The following ADAM12 variants were observed in gnomAD, a reference collection of about 807,000 sequenced individuals.
ADAM12 encodes the protein ADAM metallopeptidase domain 12.
ADAM12 carries 70 observed loss-of-function variants against 106.4 expected under a neutral mutation model. The observed-to-expected ratio is 0.66, with a 90% CI of 0.54 to 0.80. ADAM12 has a LOEUF of 0.80. Ranked by LOEUF, ADAM12 falls within the 30% of genes least tolerant of loss-of-function variation. ADAM12 has a pLI of 0.00. For synonymous variants in ADAM12, 420 were observed against 433.5 expected (o/e 0.97, Z 0.39); for missense variants, 1,010 against 1,171.9 (o/e 0.86, Z 2.02).
intron 11 of ADAM12, among the ~76,000 whole-genome samples, chr10:126,084,803 A>AC (rs1220324697): frequency 1.3e-5 from 2 of 152,128 alleles, no homozygotes; most frequent in African/African-American, 4.8e-5. Flanking sequence ...GCTCACAGGT[A>AC]CCCAGTGAAA....
intron 1 of ADAM12, among the ~76,000 whole-genome samples, chr10:126,358,951 C>T (rs549165748): frequency 5.9e-5 from 9 of 152,222 alleles, no homozygotes; most frequent in South Asian, 2.1e-4. Context: ...CAAAAGAAAG[C>T]GGTTTAATTG....
chr10:126,387,117 A>G (rs1429983292), intron 1 of ADAM12, among the ~76,000 whole-genome samples: 1 of 152,234 alleles, frequency 6.6e-6, no homozygotes, highest in African/African-American at 2.4e-5. Context: ...ATAGAATCAC[A>G]GAACTTGAGA....
intron 13 of ADAM12, among the ~76,000 whole-genome samples, chr10:126,065,805 C>T (rs933431300): frequency 6.6e-6 from 1 of 152,176 alleles, no homozygotes; most frequent in African/African-American, 2.4e-5. Flanking sequence ...CCTCCCTCCC[C>T]TTACTTGGGC....
At chr10:126,075,654 C>T (rs936409733) in intron 11 of ADAM12, among the ~76,000 whole-genome samples, 18 of 152,198 alleles carry the variant, frequency 1.2e-4, no homozygotes, top group Admixed American at 3.3e-4. Flanking sequence ...GCCCCTCACC[C>T]GAAGGGAAGA....
intron 3 of ADAM12, among the ~76,000 whole-genome samples, chr10:126,175,115 A>T (rs1957196385): frequency 6.6e-6 from 1 of 152,218 alleles, no homozygotes; most frequent in Non-Finnish European, 1.5e-5. Flanking sequence ...CCACCTTCAG[A>T]GCCAGAATCC....
intron 21 of ADAM12, among the ~76,000 whole-genome samples, chr10:126,020,149 C>T (rs954088545): frequency 1.3e-4 from 20 of 152,192 alleles, no homozygotes; most frequent in African/African-American, 4.6e-4. Flanking sequence ...TAGGCGGCTT[C>T]TCTGTTCACC....
At chr10:126,342,183 G>C (rs1328952131) in intron 1 of ADAM12, among the ~76,000 whole-genome samples, 1 of 152,182 alleles carries the variant, frequency 6.6e-6, no homozygotes, top group African/African-American at 2.4e-5. Context: ...TTCAAGCACT[G>C]CAATGATTGG....
intron 21 of ADAM12, among the ~76,000 whole-genome samples, chr10:126,031,589 AAGGTTTGAG>A (rs1169234686): frequency 6.6e-6 from 1 of 152,146 alleles, no homozygotes; most frequent in Admixed American, 6.5e-5. Flanking sequence ...ACCTTTTATA[AAGGTTTGAG>A]GAGGAAGAGG....
At chr10:126,086,314 T>C (rs1043281849) in intron 11 of ADAM12, among the ~76,000 whole-genome samples, 1 of 152,098 alleles carries the variant, frequency 6.6e-6, no homozygotes, top group African/African-American at 2.4e-5. Context: ...CTTTATGTCC[T>C]GGGGCTTCTA....
intron 1 of ADAM12, among the ~76,000 whole-genome samples, chr10:126,334,853 C>T (rs1854643914): frequency 1.3e-5 from 2 of 152,164 alleles, no homozygotes; most frequent in Admixed American, 1.3e-4. Flanking sequence ...AAGACATACA[C>T]AGTGAAGAGG....
chr10:126,039,455 A>C (rs370755694), intron 18 of ADAM12, 26 bp from the exon 19 acceptor site: 1 of 1,613,352 alleles, frequency 6.2e-7, no homozygotes, highest in African/African-American at 1.3e-5. Flanking sequence ...TGGGGCTCAC[A>C]GAAGGAGGCA....
At chr10:126,210,696 T>C (rs1331205340) in intron 3 of ADAM12, among the ~76,000 whole-genome samples, 3 of 152,240 alleles carry the variant, frequency 2.0e-5, no homozygotes, top group East Asian at 3.9e-4. Flanking sequence ...GATTCAGCCA[T>C]ATGCCTAGGG....
At chr10:126,038,959 T>TTC (rs2133404748) in intron 19 of ADAM12, among the ~76,000 whole-genome samples, 1 of 127,012 alleles carries the variant, frequency 7.9e-6, no homozygotes. Flanking sequence ...TTTCTTTTTT[T>TTC]TTTTTTTTTT....
chr10:126,278,850 G>T, intron 3 of ADAM12, 65 bp downstream of exon 3: 2 of 1,230,084 alleles, frequency 1.6e-6, no homozygotes, highest in South Asian at 1.4e-5. Flanking sequence ...ATAAATCACA[G>T]AGCACTTTTC....
chr10:126,024,829 A>T (rs7894285), intron 21 of ADAM12, among the ~76,000 whole-genome samples: 3,257 of 148,116 alleles, frequency 0.022, 99 homozygotes, highest in East Asian at 0.12. Flanking sequence ...TTGATTCAGG[A>T]AACAAATAGA....
chr10:126,130,455 C>G (rs1956284643), intron 5 of ADAM12, among the ~76,000 whole-genome samples: 1 of 152,194 alleles, frequency 6.6e-6, no homozygotes, highest in African/African-American at 2.4e-5. Context: ...TTCCCATTCC[C>G]TCTTGGTGGC....
chr10:126,113,622 T>TA (rs1955912298), intron 6 of ADAM12, among the ~76,000 whole-genome samples: 1 of 112,750 alleles, frequency 8.9e-6, no homozygotes. Context: ...ATGGCACCAC[T>TA]GACTCCAGCC....
chr10:126,186,662 T>C (rs1056656168), intron 3 of ADAM12, among the ~76,000 whole-genome samples: 1 of 151,602 alleles, frequency 6.6e-6, no homozygotes, highest in East Asian at 1.9e-4. Flanking sequence ...GCACAGTGTC[T>C]GGACCAGCAG....
At chr10:126,263,506 G>T (rs896274032) in intron 3 of ADAM12, among the ~76,000 whole-genome samples, 16 of 151,674 alleles carry the variant, frequency 1.1e-4, no homozygotes, top group African/African-American at 1.9e-4. Context: ...GCAGTAACAG[G>T]CATGCATCAT....
Sources: allele counts gnomAD v4.1 joint callset (sites outside exome capture counted in the v4.1 genomes callset), GRCh38; gene constraint gnomAD v4.1.1; transcripts MANE v1.5; gene names NCBI Gene and HGNC (gene_info 2026-07-23, HGNC 2026-07-21).